Variants in ZNF100 observed in about 807,000 individuals in gnomAD.
ZNF100 encodes zinc finger protein 100.
A neutral mutation model predicts 15.8 loss-of-function variants in ZNF100; 12 were observed. That is an observed-to-expected ratio of 0.76 (90% confidence interval 0.49 to 1.23). The LOEUF is 1.23. Ranked by LOEUF, ZNF100 falls within the 50% of genes most tolerant of loss-of-function variation. The probability of loss-of-function intolerance (pLI) is 0.00; values close to 1 mark genes in which losing one functional copy is unlikely to be tolerated. For synonymous variants in ZNF100, 226 were observed against 214.8 expected (o/e 1.05, Z -0.45); for missense variants, 670 against 635.6 (o/e 1.05, Z -0.58).
At chr19:21,747,782 C>CTAA (rs1190063091) in intron 2 of ZNF100, among the ~76,000 whole-genome samples, 1 of 152,210 alleles carries the variant, frequency 6.6e-6, no homozygotes, top group Non-Finnish European at 1.5e-5. Context: ...TACACATGTA[C>CTAA]TAATGCAATA....
chr19:21,727,881 T>C lies in ZNF100; in HGVS notation c.431A>G (p.Gln144Arg), dbSNP rs199497783. 63 of 1,609,234 alleles carry C rather than the reference T, an allele frequency of 3.9e-5. No homozygotes were observed. The East Asian group carries it at 1.4e-3, about 35-fold the overall frequency. Residue 144 changes from glutamine (Q) to arginine (R), a missense_variant, in exon 5 of 5, where the codon CAG becomes CGG. Gln to Arg is a conservative substitution (Grantham distance 43, BLOSUM62 1). Coordinates refer to ENST00000358296, the MANE Select transcript of ZNF100 (RefSeq NM_173531.4). ...KYGKYGHDNL[Q>R]LQKGCKSVDE... ...CACACTTTTACAGCCTTTTTGTAAC[T>C]GTAAATTGTCATGTCCATATTTTCC...
At chr19:21,761,542 A>T (rs150065903) in intron 2 of ZNF100, among the ~76,000 whole-genome samples, 1 of 152,318 alleles carries the variant, frequency 6.6e-6, no homozygotes, top group East Asian at 1.9e-4. Context: ...GTAAATAAAA[A>T]AATTTCTTAT....
chr19:21,766,307 T>C (rs927202624), intron 1 of ZNF100, among the ~76,000 whole-genome samples: 3 of 151,922 alleles, frequency 2.0e-5, no homozygotes, highest in African/African-American at 7.3e-5. Flanking sequence ...AACAACCTGC[T>C]TGGGACACAG....
intron 2 of ZNF100, among the ~76,000 whole-genome samples, chr19:21,756,262 A>G (rs962913904): frequency 1.5e-4 from 23 of 152,198 alleles, no homozygotes; most frequent in Admixed American, 1.3e-3. Flanking sequence ...CCAACATACT[A>G]AATGGACACA....
intron 4 of ZNF100, among the ~76,000 whole-genome samples, chr19:21,736,381 G>A (rs879035175): frequency 6.6e-6 from 1 of 152,162 alleles, no homozygotes; most frequent in Non-Finnish European, 1.5e-5. Flanking sequence ...CACACATCCA[G>A]CCAGCACTCA....
chr19:21,748,422 G>A (rs2036248403), intron 2 of ZNF100, among the ~76,000 whole-genome samples: 1 of 152,154 alleles, frequency 6.6e-6, no homozygotes, highest in African/African-American at 2.4e-5. Context: ...AGTATTTCCA[G>A]TTCTGTTTTT....
chr19:21,767,247 T>G (rs897751725), intron 1 of ZNF100, among the ~76,000 whole-genome samples, 180 bp downstream of exon 1: 2 of 152,134 alleles, frequency 1.3e-5, no homozygotes, highest in Admixed American at 1.3e-4. Context: ...AAAGGACGCC[T>G]GGGGTCCTGG....
At chr19:21,750,904 G>C in intron 2 of ZNF100, 1 of 595,022 alleles carries the variant, frequency 1.7e-6, no homozygotes, top group South Asian at 2.3e-5. Context: ...AGCTGGGCCG[G>C]TGCGTGGTGC....
intron 2 of ZNF100, among the ~76,000 whole-genome samples, chr19:21,753,963 C>T (rs2036351638): frequency 6.6e-6 from 1 of 152,070 alleles, no homozygotes; most frequent in Admixed American, 6.6e-5. Flanking sequence ...CTTTAAAAGG[C>T]AAGGAACAAA....
chr19:21,744,887 A>G (rs2145718688), intron 3 of ZNF100, 54 bp downstream of exon 3: 2 of 1,580,136 alleles, frequency 1.3e-6, no homozygotes, highest in African/African-American at 2.8e-5. Context: ...CATTCCACAA[A>G]AAAAGAGAAA....
intron 4 of ZNF100, among the ~76,000 whole-genome samples, chr19:21,742,650 A>G (rs542154622): frequency 5.9e-5 from 9 of 152,244 alleles, no homozygotes; most frequent in Admixed American, 2.6e-4. Flanking sequence ...AGTCAAAAAC[A>G]TTTTTAAAAA....
chr19:21,740,301 A>G (rs1336424876), intron 4 of ZNF100, among the ~76,000 whole-genome samples: 1 of 152,228 alleles, frequency 6.6e-6, no homozygotes, highest in Non-Finnish European at 1.5e-5. Flanking sequence ...CTTGAACCGT[A>G]TATAAAAAAT....
In ZNF100 at chr19:21,767,506, A is replaced by G. The variant is rs2145755832; in HGVS notation, c.-77T>C. The G allele has an allele frequency of 1.2e-6, 2 of 1,600,660 alleles. No homozygotes were observed. Among genetic ancestry groups the G allele is most frequent in the East Asian group, 2.2e-5 (1 of 44,662 alleles). On this transcript the variant is annotated 5_prime_UTR_variant, in exon 1 of 5. Transcript: ENST00000358296. ...TGCAGGTCAGAGGGCCACACAGGCTAGGCCCCTAGGAGCAGAAGACACAGA... is the reference window on the plus strand; with the variant it reads ...TGCAGGTCAGAGGGCCACACAGGCTGGGCCCCTAGGAGCAGAAGACACAGA...
intron 2 of ZNF100, 30 bp downstream of exon 2, chr19:21,765,664 G>A (rs1183421428): frequency 6.3e-7 from 1 of 1,592,822 alleles, no homozygotes; most frequent in Non-Finnish European, 8.6e-7. Context: ...TGGGTTGGGT[G>A]AAGACAATTT....
intron 2 of ZNF100, among the ~76,000 whole-genome samples, chr19:21,757,055 C>T (rs1038513203): frequency 2.6e-5 from 4 of 152,222 alleles, no homozygotes; most frequent in Non-Finnish European, 5.9e-5. Context: ...AATTCCAGCA[C>T]TTTGGGAGGC....
intron 2 of ZNF100, among the ~76,000 whole-genome samples, chr19:21,765,416 A>C (rs573404569): frequency 9.9e-5 from 15 of 152,212 alleles, no homozygotes; most frequent in African/African-American, 3.6e-4. Flanking sequence ...CCCCAGGTGC[A>C]TTTTACTTTG....
intron 4 of ZNF100, among the ~76,000 whole-genome samples, chr19:21,739,723 C>T (rs186661241): frequency 6.6e-6 from 1 of 152,272 alleles, no homozygotes; most frequent in African/African-American, 2.4e-5. Context: ...ACCTGTAATA[C>T]TACCATTTTG....
At chr19:21,759,344 T>C (rs1439136328) in intron 2 of ZNF100, among the ~76,000 whole-genome samples, 1 of 152,212 alleles carries the variant, frequency 6.6e-6, no homozygotes, top group Non-Finnish European at 1.5e-5. Flanking sequence ...TAGATAACCC[T>C]GGTAAATAGC....
At chr19:21,738,688 G>T (rs12104417) in intron 4 of ZNF100, among the ~76,000 whole-genome samples, 1 of 152,176 alleles carries the variant, frequency 6.6e-6, no homozygotes, top group Non-Finnish European at 1.5e-5. Context: ...GCCAGGCGCA[G>T]AGACTCACGC....
Sources: gnomAD v4.1 joint callset for allele counts (sites outside exome capture counted in the v4.1 genomes callset) on GRCh38, gnomAD v4.1.1 for gene constraint, MANE v1.5 for transcripts, NCBI Gene and HGNC (gene_info 2026-07-23, HGNC 2026-07-21) for gene names.